Variants in ZNF664 observed in about 807,000 individuals in gnomAD.
ZNF664 encodes zinc finger Organ of Corti 1.
A neutral mutation model predicts 18.2 loss-of-function variants in ZNF664; 10 were observed. The ratio of observed to expected loss-of-function variants is 0.55; its 90% CI spans 0.34 to 0.93. ZNF664 has a LOEUF of 0.93. Ranked by LOEUF, ZNF664 falls within the 40% of genes least tolerant of loss-of-function variation. The pLI, the probability that ZNF664 is intolerant of heterozygous loss-of-function variation, is 0.02. For missense variants in ZNF664, 193 were observed against 319.0 expected (o/e 0.61, Z 3.01); for synonymous variants, 119 against 104.2 (o/e 1.14, Z -0.86).
chr12:124,009,143 A>C (rs1389786272), intron 3 of ZNF664, among the ~76,000 whole-genome samples: 1 of 152,214 alleles, frequency 6.6e-6, no homozygotes, highest in African/African-American at 2.4e-5. Flanking sequence ...ACTTTAACAT[A>C]AACTACTTAT....
Position 124,013,021 on chromosome 12 carries a change from T to TA in ZNF664, c.*92dup. On this transcript the variant is annotated 3_prime_UTR_variant, in exon 5 of 5. Coordinates refer to ENST00000337815, the MANE Select transcript of ZNF664 (RefSeq NM_152437.3). ...TACCTACATTGACCCAAGAAATATT[T>TA]ACGCAATCCCTAGCAGAACATTGTT... 5 of 1,423,908 alleles carry TA rather than the reference T, an allele frequency of 3.5e-6. No homozygotes were observed. The highest frequency in any genetic ancestry group is 3.8e-6 in the Non-Finnish European group (4 of 1,062,000). The allele number at this position is 1,423,908 out of a possible 1,614,324, so 88.2% of individuals were successfully genotyped here. A position where few individuals can be genotyped will look rare whatever the true frequency, so the allele number is the denominator to read the frequency against.
intron 2 of ZNF664, among the ~76,000 whole-genome samples, chr12:123,984,156 G>C (rs1956798066): frequency 6.6e-6 from 1 of 152,202 alleles, no homozygotes; most frequent in African/African-American, 2.4e-5. Context: ...GTTAGGAGCA[G>C]AGGAGAGGGG....
intron 2 of ZNF664, among the ~76,000 whole-genome samples, chr12:123,987,168 C>T (rs748991154): frequency 6.6e-6 from 1 of 152,218 alleles, no homozygotes; most frequent in Non-Finnish European, 1.5e-5. Flanking sequence ...CTCTGGGGAG[C>T]TGTAGAGGCA....
intron 2 of ZNF664, among the ~76,000 whole-genome samples, chr12:123,983,929 A>C (rs1009073958): frequency 1.3e-5 from 2 of 152,204 alleles, no homozygotes; most frequent in African/African-American, 4.8e-5. Flanking sequence ...AGCGGGTTGC[A>C]TGCATTTTCA....
In ZNF664 at chr12:123,973,895, C is replaced by T. The variant is rs1956639634; in HGVS notation, c.-882C>T. On this transcript the variant is annotated 5_prime_UTR_variant, in exon 2 of 5. Coordinates refer to ENST00000337815, the MANE Select transcript of ZNF664 (RefSeq NM_152437.3). ...GCTGTGTGTTTTTCAGGGCGCCCTG[C>T]GTCCGGCAGAGGAGGCGAGCATCCC... 2 of 1,231,694 alleles carry T rather than the reference C, an allele frequency of 1.6e-6. No individual in the cohort carries two copies. Among genetic ancestry groups the T allele is most frequent in the African/African-American group, 3.1e-5 (2 of 64,414 alleles). 76.3% of individuals were successfully genotyped at this position (1,231,694 alleles called of 1,614,324 possible). A position where few individuals can be genotyped will look rare whatever the true frequency, so the allele number is the denominator to read the frequency against.
intron 2 of ZNF664, among the ~76,000 whole-genome samples, chr12:123,984,342 C>G (rs1024270301): frequency 2.6e-5 from 4 of 152,064 alleles, no homozygotes; most frequent in Non-Finnish European, 4.4e-5. Flanking sequence ...TTGGATTGGC[C>G]AAGAGAAGGC....
At chr12:123,974,171 CCATCTCTCCG>C in intron 2 of ZNF664, 151 bp downstream of exon 2, 1 of 483,444 alleles carries the variant, frequency 2.1e-6, no homozygotes, top group Non-Finnish European at 3.3e-6. Context: ...CCGTCCGGAT[CCATCTCTCCG>C]CCACATCACC....
chr12:124,004,067 C>T (rs1957043205), intron 3 of ZNF664, among the ~76,000 whole-genome samples: 1 of 152,192 alleles, frequency 6.6e-6, no homozygotes, highest in African/African-American at 2.4e-5. Flanking sequence ...CCACTGGGTG[C>T]AAGCCTACTG....
intron 2 of ZNF664, chr12:123,974,542 A>G (rs1398251443): frequency 6.6e-6 from 1 of 152,286 alleles, no homozygotes; most frequent in Admixed American, 6.5e-5. Context: ...AAATTTAAAA[A>G]TTAATTCTAA....
Position 124,011,584 on chromosome 12 carries a change from A to G in ZNF664, c.-561A>G. The G allele has an allele frequency of 1.0e-6, 1 of 988,750 alleles. No homozygotes were observed. The highest frequency in any genetic ancestry group is 1.2e-6 in the Non-Finnish European group (1 of 832,572). The allele number at this position is 988,750 out of a possible 1,614,324, so 61.2% of individuals were successfully genotyped here. A position where few individuals can be genotyped will look rare whatever the true frequency, so the allele number is the denominator to read the frequency against. The stretch of plus-strand genomic sequence containing the variant: ...ACCCATGTAGGGAATTCCCCAAAGC[A>G]GGGCTTGCCATACCTGGACCCCGAG... On this transcript the variant is annotated 5_prime_UTR_variant, in exon 5 of 5. Coordinates refer to ENST00000337815, the MANE Select transcript of ZNF664 (RefSeq NM_152437.3).
intron 2 of ZNF664, among the ~76,000 whole-genome samples, chr12:123,975,579 C>T (rs1455512856): frequency 1.3e-5 from 2 of 152,072 alleles, no homozygotes; most frequent in African/African-American, 4.8e-5. Flanking sequence ...CAACCATGTG[C>T]CACCACACCT....
intron 3 of ZNF664, among the ~76,000 whole-genome samples, chr12:124,007,766 A>ATTTTATTCATCCGT (rs55967424): frequency 6.6e-6 from 1 of 151,842 alleles, no homozygotes; most frequent in Non-Finnish European, 1.5e-5. Context: ...AGAGTAGACT[A>ATTTTATTCATCCGT]TTATCTCTTA....
intron 3 of ZNF664, among the ~76,000 whole-genome samples, chr12:124,001,316 TAC>T (rs1230192543): frequency 6.6e-6 from 1 of 152,250 alleles, no homozygotes; most frequent in Non-Finnish European, 1.5e-5. Context: ...GTACTTTAGC[TAC>T]AGTTTTCTAT....
chr12:123,997,861 C>T (rs1216773612), intron 3 of ZNF664: 3 of 152,266 alleles, frequency 2.0e-5, no homozygotes, highest in Non-Finnish European at 4.4e-5. Flanking sequence ...GCAATTAGAA[C>T]ACGGGGATTT....
chr12:123,982,928 G>C (rs1956783248), intron 2 of ZNF664, among the ~76,000 whole-genome samples: 1 of 152,196 alleles, frequency 6.6e-6, no homozygotes, highest in Non-Finnish European at 1.5e-5. Context: ...GCCAAGGCAG[G>C]CAGATGGCTT....
In ZNF664 at chr12:123,980,408, A is replaced by G. The variant is rs182211594; in HGVS notation, c.-757+6388A>G. 2.4e-3 allele frequency among the ~76,000 whole-genome samples: 373 copies of G among 152,326 alleles called. 1 individual carries two copies. Among genetic ancestry groups the G allele is most frequent in the South Asian group, 3.7e-3 (18 of 4,826 alleles). ...CACACTCTTATGTTACATTGGCCAT[A>G]TGTGTCAAGAGTCTTAAAATTATTT... On this transcript the variant is annotated intron_variant, in intron 2 of 4. Transcript: ENST00000337815.
intron 3 of ZNF664, among the ~76,000 whole-genome samples, chr12:123,988,794 CAAG>C (rs1209827343): frequency 6.6e-6 from 1 of 151,946 alleles, no homozygotes; most frequent in African/African-American, 2.4e-5. Flanking sequence ...TGGCTCAACT[CAAG>C]AAGGCAACAT....
At chr12:123,992,355 G>T (rs1478864652) in intron 3 of ZNF664, among the ~76,000 whole-genome samples, 2 of 152,180 alleles carry the variant, frequency 1.3e-5, no homozygotes, top group Non-Finnish European at 1.5e-5. Context: ...GCACAGGAGG[G>T]CATCAGAAGT....
chr12:123,987,849 A>G, intron 2 of ZNF664, 194 bp from the exon 3 acceptor site: 3 of 557,504 alleles, frequency 5.4e-6, no homozygotes, highest in Non-Finnish European at 6.8e-6. Flanking sequence ...GTGGTTTCTC[A>G]GATTTGCTCA....
Sources: gnomAD v4.1 joint callset for allele counts (sites outside exome capture counted in the v4.1 genomes callset) on GRCh38, gnomAD v4.1.1 for gene constraint, MANE v1.5 for transcripts, NCBI Gene and HGNC (gene_info 2026-07-23, HGNC 2026-07-21) for gene names.